MSRA: variants seen among roughly 807,000 people sequenced by gnomAD.
The protein encoded by MSRA is mitochondrial peptide methionine sulfoxide reductase.
MSRA carries 54 observed loss-of-function variants against 31.3 expected under a neutral mutation model. The observed-to-expected ratio is 1.73, with a 90% CI of 1.39 to 2.17. The LOEUF (loss-of-function observed/expected upper bound fraction) is 2.17, where lower values mean the gene tolerates loss of function less well. MSRA is among the 30% of genes most tolerant of loss of function. The pLI is 0.00. For missense variants in MSRA, 507 were observed against 300.9 expected (o/e 1.69, Z -5.07); for synonymous variants, 169 against 116.5 (o/e 1.45, Z -2.90).
chr8:10,412,817 A>T (rs1261937513), intron 5 of MSRA, among the ~76,000 whole-genome samples: 1 of 152,242 alleles, frequency 6.6e-6, no homozygotes, highest in African/African-American at 2.4e-5. Context: ...TCGTGACAAT[A>T]CCAAGTCCTG....
chr8:10,308,357 G>A (rs1471606581), intron 4 of MSRA, among the ~76,000 whole-genome samples: 1 of 152,182 alleles, frequency 6.6e-6, no homozygotes, highest in African/African-American at 2.4e-5. Flanking sequence ...CCTGGGGTCA[G>A]AGATGTCATG....
intron 1 of MSRA, among the ~76,000 whole-genome samples, chr8:10,165,310 A>G (rs1287195312): frequency 6.6e-6 from 1 of 152,186 alleles, no homozygotes; most frequent in Non-Finnish European, 1.5e-5. Context: ...CAATATAGCT[A>G]CTTTCTCTGG....
At chr8:10,086,667 A>G (rs1305278515) in intron 1 of MSRA, among the ~76,000 whole-genome samples, 1 of 152,016 alleles carries the variant, frequency 6.6e-6, no homozygotes, top group Non-Finnish European at 1.5e-5. Flanking sequence ...TTAATACGTG[A>G]TTTCACTTTT....
At chr8:10,126,967 C>T (rs1801548180) in intron 1 of MSRA, among the ~76,000 whole-genome samples, 1 of 152,228 alleles carries the variant, frequency 6.6e-6, no homozygotes, top group Non-Finnish European at 1.5e-5. Context: ...TCACCTCCTG[C>T]TGTGCGGCCT....
intron 1 of MSRA, among the ~76,000 whole-genome samples, chr8:10,080,041 G>T (rs1027433634): frequency 6.6e-6 from 1 of 152,128 alleles, no homozygotes; most frequent in East Asian, 1.9e-4. Context: ...AGAAGCTGAT[G>T]AATTAGAACT....
In MSRA at chr8:10,054,473, G is replaced by A. The variant is rs1286498653; in HGVS notation, c.-44G>A. 2 of 1,493,814 alleles carry A rather than the reference G, an allele frequency of 1.3e-6. No individual in the cohort carries two copies. Among genetic ancestry groups the A allele is most frequent in the Admixed American group, 2.0e-5 (1 of 50,122 alleles). The allele number at this position is 1,493,814 out of a possible 1,614,324, so 92.5% of individuals were successfully genotyped here. A position where few individuals can be genotyped will look rare whatever the true frequency, so the allele number is the denominator to read the frequency against. ...CCGTTCCGGCTGCGGCTCCGCTGCC[G>A]GTAGCGCCGTCCCCCGGGACCACCC... On this transcript the variant is annotated 5_prime_UTR_variant, in exon 1 of 6. Coordinates refer to ENST00000317173, the MANE Select transcript of MSRA (RefSeq NM_012331.5).
At chr8:10,365,199 A>G (rs1805089444) in intron 5 of MSRA, among the ~76,000 whole-genome samples, 1 of 149,784 alleles carries the variant, frequency 6.7e-6, no homozygotes. Context: ...TCAGCTAATT[A>G]TCATCTTTTT....
At chr8:10,255,591 G>T (rs1412114900) in intron 3 of MSRA, among the ~76,000 whole-genome samples, 1 of 152,092 alleles carries the variant, frequency 6.6e-6, no homozygotes, top group Non-Finnish European at 1.5e-5. Context: ...AAAAGCCATA[G>T]GTACCTGAAC....
In MSRA at chr8:10,207,851, G is replaced by C. The variant is rs748474567; in HGVS notation, c.161G>C (p.Gly54Ala). Residue 54 changes from glycine (G) to alanine (A), a missense_variant, in exon 2 of 6, where the codon GGC becomes GCC. By Grantham distance (60) the Gly-to-Ala change is moderately conservative (BLOSUM62 0). Transcript: ENST00000317173. Reference protein sequence around the residue: ...TPVAAKHHVNGNRTVEPFPEG... With the variant: ...TPVAAKHHVNANRTVEPFPEG... ...TTTCTAGCCAAACATCATGTCAATG[G>C]CAACAGAACAGTCGAACCTTTCCCA... 6.2e-7 allele frequency: 1 copy of C among 1,610,646 alleles called. No homozygotes were observed. Among genetic ancestry groups the C allele is most frequent in the Admixed American group, 1.7e-5 (1 of 59,770 alleles).
intron 1 of MSRA, among the ~76,000 whole-genome samples, chr8:10,178,989 T>A (rs1806305336): frequency 6.6e-6 from 1 of 152,174 alleles, no homozygotes. Context: ...TTAGGAATCA[T>A]ACCTGCATGC....
chr8:10,378,636 G>C (rs574156920), intron 5 of MSRA, among the ~76,000 whole-genome samples: 1 of 152,262 alleles, frequency 6.6e-6, no homozygotes, highest in South Asian at 2.1e-4. Context: ...GCAGCTCCGC[G>C]TCCCTTCTTC....
intron 1 of MSRA, among the ~76,000 whole-genome samples, chr8:10,193,509 A>G (rs1807709457): frequency 6.6e-6 from 1 of 152,248 alleles, no homozygotes; most frequent in African/African-American, 2.4e-5. Flanking sequence ...TTCAGGGACG[A>G]TAACCAAGCA....
intron 5 of MSRA, among the ~76,000 whole-genome samples, chr8:10,398,362 G>T (rs1807233436): frequency 1.3e-5 from 2 of 152,230 alleles, no homozygotes; most frequent in Admixed American, 1.3e-4. Context: ...CTTTAGAGCA[G>T]GTCAGGGTGG....
intron 5 of MSRA, among the ~76,000 whole-genome samples, chr8:10,390,649 G>T (rs974470137): frequency 8.5e-5 from 13 of 152,168 alleles, no homozygotes; most frequent in Non-Finnish European, 1.5e-4. Context: ...AGTAAAAAGA[G>T]ACTTTGCACT....
At chr8:10,381,031 G>C (rs933962351) in intron 5 of MSRA, among the ~76,000 whole-genome samples, 9 of 151,984 alleles carry the variant, frequency 5.9e-5, no homozygotes, top group African/African-American at 2.2e-4. Flanking sequence ...AAAATGGATG[G>C]ATGGATAAAT....
At chr8:10,300,149 T>C (rs1450512594) in intron 3 of MSRA, among the ~76,000 whole-genome samples, 2 of 150,266 alleles carry the variant, frequency 1.3e-5, no homozygotes, top group Non-Finnish European at 2.9e-5. Flanking sequence ...TGTGTGTGTG[T>C]GCACGCGTGC....
intron 2 of MSRA, among the ~76,000 whole-genome samples, chr8:10,217,725 T>A (rs1647429023): frequency 6.6e-6 from 1 of 152,178 alleles, no homozygotes; most frequent in African/African-American, 2.4e-5. Context: ...TTTTGGTATA[T>A]ATCTCTAAAA....
At chr8:10,193,613 G>A (rs1023770604) in intron 1 of MSRA, among the ~76,000 whole-genome samples, 4 of 152,188 alleles carry the variant, frequency 2.6e-5, no homozygotes, top group Non-Finnish European at 5.9e-5. Context: ...TGACTTCCCT[G>A]AGTTAAGATG....
At chr8:10,071,536 C>T (rs953834170) in intron 1 of MSRA, among the ~76,000 whole-genome samples, 5 of 148,966 alleles carry the variant, frequency 3.4e-5, no homozygotes, top group African/African-American at 1.2e-4. Flanking sequence ...CTAATTTTTC[C>T]TTTCATGGAT....
Sources: allele counts gnomAD v4.1 joint callset (sites outside exome capture counted in the v4.1 genomes callset), GRCh38; gene constraint gnomAD v4.1.1; transcripts MANE v1.5; gene names NCBI Gene and HGNC (gene_info 2026-07-23, HGNC 2026-07-21).